Variants in IGSF3 observed in about 807,000 individuals in gnomAD.
The protein encoded by IGSF3 is glu-Trp-Ile EWI motif-containing protein 3.
Under a neutral mutation model 114.4 loss-of-function variants are expected in IGSF3, and 23 were observed. The ratio of observed to expected loss-of-function variants is 0.20; its 90% CI spans 0.14 to 0.28. The LOEUF (loss-of-function observed/expected upper bound fraction) is 0.28. Ranked by LOEUF, IGSF3 falls within the 10% of genes least tolerant of loss-of-function variation. The pLI is 1.00. For synonymous variants in IGSF3, 571 were observed against 645.2 expected, an observed-to-expected ratio of 0.88 and a Z score of 1.74; for missense variants, 1,172 against 1,591.5, an observed-to-expected ratio of 0.74 and a Z score of 4.48.
At position 116,650,299 on chromosome 1, in the gene IGSF3, G is replaced by A. The variant is rs1243996703; in HGVS notation, c.43+15985C>T. Among the ~76,000 whole-genome samples the A allele has an allele frequency of 6.6e-6, 1 of 152,192 alleles. No individual in the cohort carries two copies. The highest frequency in any genetic ancestry group is 1.5e-5 in the Non-Finnish European group (1 of 68,034). ...GGGTTTTTCCCATCTCTTCCCGTCT[G>A]CTGGCCTCAACAAACCTGCTTTCCT... On this transcript the variant is annotated intron_variant, in intron 2 of 10. Coordinates refer to ENST00000369486, the MANE Select transcript of IGSF3 (RefSeq NM_001007237.3). This position sits in a 1 kb window ranked among gnomAD's most constrained non-coding sequence, Gnocchi z 5.0.
Position 116,627,305 on chromosome 1 carries a change from T to G in IGSF3, c.44-10848A>C, listed in dbSNP as rs1358000969. Reference sequence around the variant, plus strand: ...TTCACAGCAATTACTGTTGCTATTATTTTACGCTTCATTTCTGGACCTAGG... The same window carrying G: ...TTCACAGCAATTACTGTTGCTATTAGTTTACGCTTCATTTCTGGACCTAGG... On this transcript the variant is annotated intron_variant, in intron 2 of 10. Transcript: ENST00000369486. This position sits in a 1 kb window ranked among gnomAD's most constrained non-coding sequence, Gnocchi z 4.7. 6.6e-6 allele frequency among the ~76,000 whole-genome samples: 1 copy of G among 152,200 alleles called. No homozygotes were observed. The highest frequency in any genetic ancestry group is 6.5e-5 in the Admixed American group (1 of 15,286).
chr1:116,590,916 C>A (rs549260322), intron 7 of IGSF3, among the ~76,000 whole-genome samples: 1 of 152,182 alleles, frequency 6.6e-6, no homozygotes, highest in East Asian at 1.9e-4. Context: ...AGCAACACTG[C>A]GGAGCATCTC....
rs764917918 is a variant in IGSF3, at chr1:116,607,891, C to T, written c.1222+51G>A. On this transcript the variant is annotated intron_variant, in intron 5 of 10. Coordinates refer to ENST00000369486, the MANE Select transcript of IGSF3 (RefSeq NM_001007237.3). This position sits in a 1 kb window ranked among gnomAD's most constrained non-coding sequence, Gnocchi z 6.1. ...GCTATTCTCTCTCCCCCTACCTCTC[C>T]TAAATGATGCTGAGCCAAAGGAGAA... 4.1e-5 allele frequency: 65 copies of T among 1,579,408 alleles called. No individual in the cohort carries two copies. The highest frequency in any genetic ancestry group is 5.4e-5 in the Non-Finnish European group (62 of 1,156,278).
chr1:116,616,169 T>C lies in IGSF3; in HGVS notation c.332A>G (p.Gln111Arg). 2 of 1,613,980 alleles carry C rather than the reference T, an allele frequency of 1.2e-6. No homozygotes were observed. Among genetic ancestry groups the C allele is most frequent in the Non-Finnish European group, 1.7e-6 (2 of 1,179,812 alleles). ...TTCATACTCCCCGGCATCCCGGGCCTGAAGATCTGTGATGTGCAATAGGGT... is the reference window on the plus strand; with the variant it reads ...TTCATACTCCCCGGCATCCCGGGCCCGAAGATCTGTGATGTGCAATAGGGT... ...NSTLLHITDL[Q>R]ARDAGEYECH... The change falls in exon 3 of 11, where the codon CAG (glutamine) becomes CGG (arginine). Residue 111 changes from glutamine to arginine, a missense_variant. By Grantham distance (43) the Gln-to-Arg change is conservative. This residue lies in a region of IGSF3 where 736 missense variants were observed against 1,042.0 expected (regional missense o/e 0.71). Transcript: ENST00000369486. The surrounding 1 kb of genome is among the most constrained non-coding windows in gnomAD (Gnocchi z 6.6).
intron 5 of IGSF3, chr1:116,606,352 C>G (rs1481079381): frequency 4.8e-6 from 5 of 1,047,156 alleles, no homozygotes; most frequent in Non-Finnish European, 7.0e-6. Context: ...TTGGCCTCTA[C>G]GAGGATTTGA....
At position 116,633,734 on chromosome 1, in the gene IGSF3, A is replaced by G. The variant is rs910158868; in HGVS notation, c.44-17277T>C. ...CCAAAAATAAAAAATAAAAATTCAA[A>G]ATCATGATCTTAGGGGTGAAAGAAC... On this transcript the variant is annotated intron_variant, in intron 2 of 10. Coordinates refer to ENST00000369486, the MANE Select transcript of IGSF3 (RefSeq NM_001007237.3). This position sits in a 1 kb window ranked among gnomAD's most constrained non-coding sequence, Gnocchi z 4.3. Among the ~76,000 whole-genome samples the G allele has an allele frequency of 1.3e-5, 2 of 152,238 alleles. No individual in the cohort carries two copies. Among genetic ancestry groups the G allele is most frequent in the African/African-American group, 4.8e-5 (2 of 41,464 alleles).
At chr1:116,635,699 C>T (rs1180602596) in intron 2 of IGSF3, among the ~76,000 whole-genome samples, 4 of 152,358 alleles carry the variant, frequency 2.6e-5, no homozygotes, top group South Asian at 2.1e-4. Context: ...CTGAAGTATT[C>T]CCATGATTCC....
In IGSF3 at chr1:116,592,714, C is replaced by A. The variant is rs1660168512; in HGVS notation, c.2030-3610G>T. On this transcript the variant is annotated intron_variant, in intron 7 of 10. Transcript: ENST00000369486. This position sits in a 1 kb window ranked among gnomAD's most constrained non-coding sequence, Gnocchi z 4.5. ...CTTCAATAAAGGATTCCCTTACGCTCTACTATAGCTGTGTTACTGCTGCCT... is the reference window on the plus strand; with the variant it reads ...CTTCAATAAAGGATTCCCTTACGCTATACTATAGCTGTGTTACTGCTGCCT... 6.6e-6 allele frequency among the ~76,000 whole-genome samples: 1 copy of A among 152,186 alleles called. No homozygotes were observed. Among genetic ancestry groups the A allele is most frequent in the Non-Finnish European group, 1.5e-5 (1 of 68,038 alleles).
Position 116,628,759 on chromosome 1 carries a change from C to G in IGSF3, c.44-12302G>C, listed in dbSNP as rs1030597632. 6.6e-6 allele frequency among the ~76,000 whole-genome samples: 1 copy of G among 152,214 alleles called. No individual in the cohort carries two copies. On this transcript the variant is annotated intron_variant, in intron 2 of 10. Transcript: ENST00000369486. This position sits in a 1 kb window ranked among gnomAD's most constrained non-coding sequence, Gnocchi z 4.2. ...TCCCCCTCAGCTTTGACTTTCATTG[C>G]TGGTGGCTCAGGCTCCTGTGCTTGG...
rs147516890 is a variant in IGSF3 at position 116,613,985 on chromosome 1, A to G, written c.612T>C (p.Leu204=). The change falls in exon 4 of 11, where the codon CTT becomes CTC. Residue 204 remains leucine, a synonymous_variant. Transcript: ENST00000369486. ...EVISLSRDFM[L]HSSSEYAQRQ... Reference sequence around the variant, plus strand: ...TCTGGGCATATTCGCTGCTGGAGTGAAGCATGAAATCTCGGCTCAGGGAGA... The same window carrying G: ...TCTGGGCATATTCGCTGCTGGAGTGGAGCATGAAATCTCGGCTCAGGGAGA... 1.8e-5 allele frequency: 29 copies of G among 1,613,896 alleles called. No individual in the cohort carries two copies. The African/African-American group carries it at 3.1e-4, about 17-fold the overall frequency.
intron 2 of IGSF3, among the ~76,000 whole-genome samples, chr1:116,653,514 T>C (rs1648721241): frequency 6.6e-6 from 1 of 152,210 alleles, no homozygotes; most frequent in Non-Finnish European, 1.5e-5. Context: ...AGCTCCTCTG[T>C]GGTAGGGGGA....
chr1:116,653,126 C>A (rs2101073049), intron 2 of IGSF3, among the ~76,000 whole-genome samples: 1 of 152,292 alleles, frequency 6.6e-6, no homozygotes, highest in East Asian at 1.9e-4. Flanking sequence ...TGATCATGGG[C>A]TAGGGAAGAT....
chr1:116,612,024 CT>C lies in IGSF3; in HGVS notation c.832+1740del, dbSNP rs1025398650. Among the ~76,000 whole-genome samples the C allele has an allele frequency of 2.0e-5, 3 of 152,136 alleles. No individual in the cohort carries two copies. Among genetic ancestry groups the C allele is most frequent in the South Asian group, 4.1e-4 (2 of 4,820 alleles). ...CAGGAATGCAGGGTGAAGTCATCAACTTTTTTTTCACTTAGTTTTCCTTTTG... is the reference window on the plus strand; with the variant it reads ...CAGGAATGCAGGGTGAAGTCATCAACTTTTTTTCACTTAGTTTTCCTTTTG... On this transcript the variant is annotated intron_variant, in intron 4 of 10. Transcript: ENST00000369486. This position sits in a 1 kb window ranked among gnomAD's most constrained non-coding sequence, Gnocchi z 4.1.
At chr1:116,646,576 T>C (rs1648383215) in intron 2 of IGSF3, among the ~76,000 whole-genome samples, 1 of 152,172 alleles carries the variant, frequency 6.6e-6, no homozygotes, top group Admixed American at 6.5e-5. Context: ...AGAGTATTCA[T>C]AGGTAACTAA....
intron 8 of IGSF3, among the ~76,000 whole-genome samples, chr1:116,586,699 T>C (rs1376934773): frequency 6.6e-6 from 1 of 152,104 alleles, no homozygotes; most frequent in African/African-American, 2.4e-5. Flanking sequence ...CAAGAATCTC[T>C]TGGTTTCAGT....
chr1:116,581,459 G>A, intron 9 of IGSF3, among the ~76,000 whole-genome samples: 1 of 151,288 alleles, frequency 6.6e-6, no homozygotes, highest in Non-Finnish European at 1.5e-5. Context: ...GTAAACTGAA[G>A]TAGAGATACC....
chr1:116,585,166 C>T lies in IGSF3; in HGVS notation c.2441-114G>A, dbSNP rs1659782708. ...CCAAATACAGAAGGACGGCAGCACA[C>T]ACTCCATTAGGAGAAACGTTTCTCA... On this transcript the variant is annotated intron_variant, in intron 8 of 10. Coordinates refer to ENST00000369486, the MANE Select transcript of IGSF3 (RefSeq NM_001007237.3). The surrounding 1 kb of genome is among the most constrained non-coding windows in gnomAD (Gnocchi z 4.9). The T allele has an allele frequency of 1.3e-6, 1 of 740,764 alleles. No individual in the cohort carries two copies. The highest frequency in any genetic ancestry group is 2.2e-6 in the Non-Finnish European group (1 of 464,266). 45.9% of individuals were successfully genotyped at this position (740,764 alleles called of 1,614,324 possible).
In IGSF3 at chr1:116,594,494, C is replaced by G. The variant is rs1403266710; in HGVS notation, c.2030-5390G>C. ...TTATTTAGCAAACTTTCATCTGGTC[C>G]TATGTGCTCAGCACTATTCTAAGCA... On this transcript the variant is annotated intron_variant, in intron 7 of 10. Coordinates refer to ENST00000369486, the MANE Select transcript of IGSF3 (RefSeq NM_001007237.3). This position sits in a 1 kb window ranked among gnomAD's most constrained non-coding sequence, Gnocchi z 5.2. Among the ~76,000 whole-genome samples the G allele has an allele frequency of 6.6e-6, 1 of 152,136 alleles. No homozygotes were observed. Among genetic ancestry groups the G allele is most frequent in the African/African-American group, 2.4e-5 (1 of 41,402 alleles).
Position 116,605,950 on chromosome 1 carries a change from G to A in IGSF3, c.1223-1925C>T, listed in dbSNP as rs1195822873. ...GGTGTCTGTTGCTTGAGCAAGCCTG[G>A]AAACCCACATAGTTAGAATGTGGGG... On this transcript the variant is annotated intron_variant, in intron 5 of 10. Coordinates refer to ENST00000369486, the MANE Select transcript of IGSF3 (RefSeq NM_001007237.3). The surrounding 1 kb of genome is among the most constrained non-coding windows in gnomAD (Gnocchi z 5.1). 6.6e-6 allele frequency among the ~76,000 whole-genome samples: 1 copy of A among 152,120 alleles called. No individual in the cohort carries two copies. The highest frequency in any genetic ancestry group is 1.5e-5 in the Non-Finnish European group (1 of 68,026).
Sources: allele counts gnomAD v4.1 joint callset (sites outside exome capture counted in the v4.1 genomes callset), GRCh38; gene constraint gnomAD v4.1.1; regional missense constraint gnomAD v4.1.1; non-coding constraint Gnocchi (gnomAD v3.1); transcripts MANE v1.5; gene names NCBI Gene and HGNC (gene_info 2026-07-23, HGNC 2026-07-21).